TENT4A: variants seen among roughly 807,000 people sequenced by gnomAD.
The protein encoded by TENT4A is terminal nucleotidyltransferase 4A, also known as DNA polymerase kappa.
A neutral mutation model predicts 72.8 loss-of-function variants in TENT4A; 7 were observed. The observed-to-expected ratio is 0.10, with a 90% confidence interval of 0.05 to 0.18. TENT4A has a LOEUF of 0.18. Ranked by LOEUF, TENT4A falls within the 10% of genes least tolerant of loss-of-function variation. TENT4A has a pLI of 1.00. For synonymous variants in TENT4A, 456 were observed against 434.3 expected (o/e 1.05, Z -0.62); for missense variants, 831 against 1,017.7 (o/e 0.82, Z 2.50).
In TENT4A at chr5:6,751,223, C is replaced by T. The variant is rs374007515; in HGVS notation, c.2019+26C>T. 4.4e-5 allele frequency: 71 copies of T among 1,613,112 alleles called. No homozygotes were observed. The African/African-American group carries it at 4.9e-4, about 11-fold the overall frequency. On this transcript the variant is annotated intron_variant, in intron 11 of 12. Transcript: ENST00000230859. ...GTACGTGGCCCTCTGGCACCCTTCC[C>T]GCTGGTGGCCCCTGGGAACAGCATC... is the stretch of plus-strand genomic sequence containing the variant.
In TENT4A at chr5:6,714,616, C is replaced by G; in HGVS notation, c.633C>G (p.Leu211=). Residue 211 remains leucine, a synonymous_variant, in exon 1 of 13, where the codon CTC becomes CTG. Coordinates refer to ENST00000230859, the MANE Select transcript of TENT4A (RefSeq NM_006999.6). ...YLLSGSRAAA[L]SGGGGPGAQA... ...TGTCCGGCAGCCGCGCGGCCGCTCT[C>G]AGCGGAGGGGGCGGCCCCGGGGCCC... 8.3e-7 allele frequency: 1 copy of G among 1,198,732 alleles called. No homozygotes were observed. Among genetic ancestry groups the G allele is most frequent in the South Asian group, 4.1e-5 (1 of 24,104 alleles). The allele number at this position is 1,198,732 out of a possible 1,614,324, so 74.3% of individuals were successfully genotyped here.
In TENT4A at chr5:6,754,828, C is replaced by T. The variant is rs766203692; in HGVS notation, c.2262C>T (p.Ser754=). ...TQGGGYSSVG[S]GGVRPPVGNR... ...GCGGCGGCTACAGCTCTGTGGGTAGCGGAGGTGTGCGGCCCCCTGTGGGCA... is the reference window on the plus strand; with the variant it reads ...GCGGCGGCTACAGCTCTGTGGGTAGTGGAGGTGTGCGGCCCCCTGTGGGCA... The change falls in exon 13 of 13, where the codon AGC becomes AGT. Residue 754 remains serine (S), a synonymous_variant. Transcript: ENST00000230859. The T allele has an allele frequency of 1.4e-5, 22 of 1,609,004 alleles. No homozygotes were observed. In the Admixed American group the frequency reaches 1.5e-4, roughly 11 times the overall value.
intron 1 of TENT4A, among the ~76,000 whole-genome samples, chr5:6,731,568 C>G (rs1190609025): frequency 6.9e-6 from 1 of 144,204 alleles, no homozygotes; most frequent in East Asian, 2.0e-4. Context: ...GAGATGGGGT[C>G]TTGCACTGTT....
intron 11 of TENT4A, 80 bp from the exon 12 acceptor site, chr5:6,752,793 T>C (rs1742481139): frequency 2.4e-6 from 3 of 1,274,676 alleles, no homozygotes; most frequent in African/African-American, 2.9e-5. Context: ...AGCTGCCCTT[T>C]GGTGGTGCTG....
intron 1 of TENT4A, among the ~76,000 whole-genome samples, chr5:6,722,329 C>G (rs1369955222): frequency 6.6e-6 from 1 of 152,256 alleles, no homozygotes; most frequent in African/African-American, 2.4e-5. Flanking sequence ...AAATTAAGTC[C>G]TTCTTGCCAG....
intron 6 of TENT4A, among the ~76,000 whole-genome samples, chr5:6,745,529 T>G (rs1013102873): frequency 1.3e-5 from 2 of 152,182 alleles, no homozygotes; most frequent in Non-Finnish European, 2.9e-5. Flanking sequence ...TTTAATTAAT[T>G]TGTTTTAATT....
At position 6,755,654 on chromosome 5, in the gene TENT4A, G is replaced by C. The variant is rs896816159; in HGVS notation, c.*709G>C. On this transcript the variant is annotated 3_prime_UTR_variant, in exon 13 of 13. Coordinates refer to ENST00000230859, the MANE Select transcript of TENT4A (RefSeq NM_006999.6). Reference sequence around the variant, plus strand: ...TATTTTGATGTCTTTTCTTTTGGTCGGAAGTGAGTGAAGGAGCCAGGTCGC... The same window carrying C: ...TATTTTGATGTCTTTTCTTTTGGTCCGAAGTGAGTGAAGGAGCCAGGTCGC... 2.0e-5 allele frequency: 3 copies of C among 152,384 alleles called. No homozygotes were observed. Among genetic ancestry groups the C allele is most frequent in the African/African-American group, 7.2e-5 (3 of 41,440 alleles). 9.4% of individuals were successfully genotyped at this position (152,384 alleles called of 1,614,324 possible). A position where few individuals can be genotyped will look rare whatever the true frequency, so the allele number is the denominator to read the frequency against.
chr5:6,731,951 T>C (rs1289395241), intron 1 of TENT4A, among the ~76,000 whole-genome samples: 1 of 152,240 alleles, frequency 6.6e-6, no homozygotes, highest in Non-Finnish European at 1.5e-5. Flanking sequence ...TTCTAAAGTG[T>C]TTTATTTTAC....
chr5:6,714,471 C>T lies in TENT4A; in HGVS notation c.488C>T (p.Ala163Val). Residue 163 changes from alanine (A) to valine (V), a missense_variant, in exon 1 of 13, where the codon GCC (alanine) becomes GTC (valine). By Grantham distance (64) the Ala-to-Val change is moderately conservative. Around this residue, in one of 3 missense-constraint regions of TENT4A, gnomAD observed 302 missense variants for 293.8 expected, o/e 1.03. Transcript: ENST00000230859. ...GGCGCGCCCAGCGCCCCTGGCACAG[C>T]CAACGGGCACCCCGGGCCGCGCGGC... ...ADGAPSAPGTANGHPGPRGPA... is the reference protein window; with the variant it reads ...ADGAPSAPGTVNGHPGPRGPA... 1 of 1,182,030 alleles carries T rather than the reference C, an allele frequency of 8.5e-7. No homozygotes were observed. The highest frequency in any genetic ancestry group is 1.0e-6 in the Non-Finnish European group (1 of 956,062). 73.2% of individuals were successfully genotyped at this position (1,182,030 alleles called of 1,614,324 possible).
At chr5:6,746,450 T>C in intron 7 of TENT4A, 23 bp downstream of exon 7, 1 of 1,609,054 alleles carries the variant, frequency 6.2e-7, no homozygotes, top group South Asian at 1.1e-5. Flanking sequence ...TGATCTCCAC[T>C]GCTGAGAGCT....
intron 8 of TENT4A, 84 bp downstream of exon 8, chr5:6,748,674 A>G: frequency 7.2e-7 from 1 of 1,397,108 alleles, no homozygotes; most frequent in Middle Eastern, 1.8e-4. Flanking sequence ...ACCTCCATGA[A>G]ATTTATGAAG....
rs372514240 is a variant in TENT4A, at chr5:6,737,597, C to G, written c.804C>G (p.Ile268Met). ...TGAGAAGAGAGGTGGTGAAACGGAT[C>G]GAAACTGTGGTGAAAGACCTTTGGC... is the stretch of plus-strand genomic sequence containing the variant. ...AAMRREVVKR[I>M]ETVVKDLWPT... The change falls in exon 2 of 13, where the codon ATC becomes ATG. Residue 268 changes from isoleucine (I) to methionine (M), a missense_variant. Around this residue, in one of 3 missense-constraint regions of TENT4A, gnomAD observed 197 missense variants for 399.6 expected, o/e 0.49. Transcript: ENST00000230859. The G allele has an allele frequency of 6.2e-7, 1 of 1,614,014 alleles. No individual in the cohort carries two copies. The highest frequency in any genetic ancestry group is 1.3e-5 in the African/African-American group (1 of 74,930).
At position 6,714,416 on chromosome 5, in the gene TENT4A, C is replaced by G. The variant is rs1740253567; in HGVS notation, c.433C>G (p.Arg145Gly). 3 of 1,151,624 alleles carry G rather than the reference C, an allele frequency of 2.6e-6. No individual in the cohort carries two copies. The highest frequency in any genetic ancestry group is 3.3e-5 in the African/African-American group (2 of 61,072). The allele number at this position is 1,151,624 out of a possible 1,614,324, so 71.3% of individuals were successfully genotyped here. ...CTCGCTGGGCCGGCCGGGCGGCGGC[C>G]GCGGCGGCGCCTTCTTCAACTTCGC... ...SASLGRPGGG[R>G]GGAFFNFADG... The change falls in exon 1 of 13, where the codon CGC becomes GGC. Residue 145 changes from arginine to glycine, a missense_variant. Transcript: ENST00000230859.
chr5:6,741,696 C>A (rs1346586535), intron 4 of TENT4A, among the ~76,000 whole-genome samples: 2 of 152,236 alleles, frequency 1.3e-5, no homozygotes, highest in African/African-American at 4.8e-5. Context: ...TGGTTGCCCT[C>A]AAGTGTAGAC....
chr5:6,727,650 G>T (rs945749230), intron 1 of TENT4A, among the ~76,000 whole-genome samples: 1 of 152,170 alleles, frequency 6.6e-6, no homozygotes, highest in Non-Finnish European at 1.5e-5. Flanking sequence ...CTCAGCCTCA[G>T]TACCAGCCAC....
Position 6,750,461 on chromosome 5 carries a change from C to T in TENT4A, c.1818C>T (p.Gly606=). ...CCAGCCCCCAGCTCCTGTCTTCAGG[C>T]TCCTCGGCCTCTTCTGTGTCTTCAC... ...SLSSPQLLSS[G]SSASSVSSLS... is the part of the protein sequence containing the mutation. The change falls in exon 10 of 13, where the codon GGC becomes GGT. Residue 606 remains glycine, a synonymous_variant. Transcript: ENST00000230859. 1 of 1,608,416 alleles carries T rather than the reference C, an allele frequency of 6.2e-7. No individual in the cohort carries two copies.
At chr5:6,750,674 T>G in intron 10 of TENT4A, 171 bp downstream of exon 10, 1 of 599,872 alleles carries the variant, frequency 1.7e-6, no homozygotes, top group Non-Finnish European at 2.8e-6. Flanking sequence ...AGGCTTCCTT[T>G]CCCCTGCCGT....
Position 6,746,637 on chromosome 5 carries a change from T to C in TENT4A, c.1459+210T>C, listed in dbSNP as rs900807301. ...TTTGTCTTTCTAACTGTTTACATTC[T>C]ATAATAAAGAAGAATTAAGGAAAAT... On this transcript the variant is annotated intron_variant, in intron 7 of 12. Transcript: ENST00000230859. Among the ~76,000 whole-genome samples the C allele has an allele frequency of 2.6e-5, 4 of 152,268 alleles. No homozygotes were observed. The East Asian group carries it at 5.8e-4, about 22-fold the overall frequency.
chr5:6,743,027 T>G (rs1321662457), intron 5 of TENT4A, among the ~76,000 whole-genome samples: 2 of 152,292 alleles, frequency 1.3e-5, no homozygotes, highest in East Asian at 1.9e-4. Context: ...TCTGACCATG[T>G]GCCTGGTCTT....
Sources: allele counts gnomAD v4.1 joint callset (sites outside exome capture counted in the v4.1 genomes callset), GRCh38; gene constraint gnomAD v4.1.1; regional missense constraint gnomAD v4.1.1; transcripts MANE v1.5; gene names NCBI Gene and HGNC (gene_info 2026-07-23, HGNC 2026-07-21).